Variants in C6orf89 observed in about 807,000 individuals in gnomAD.
C6orf89 encodes chromosome 6 open reading frame 89.
A neutral mutation model predicts 40.7 loss-of-function variants in C6orf89; 29 were observed. The observed-to-expected ratio is 0.71, with a 90% confidence interval of 0.53 to 0.97. The LOEUF (loss-of-function observed/expected upper bound fraction) is 0.97. Among genes scored for constraint, C6orf89 ranks in the 50% least tolerant of loss-of-function variants. The probability of loss-of-function intolerance (pLI) is 0.00; values close to 1 mark genes in which losing one functional copy is unlikely to be tolerated. For missense variants in C6orf89, 392 were observed against 429.1 expected, an observed-to-expected ratio of 0.91 and a Z score of 0.76; for synonymous variants, 165 against 152.2, an observed-to-expected ratio of 1.08 and a Z score of -0.62.
At chr6:36,916,330 T>C in intron 6 of C6orf89, 115 bp from the exon 7 acceptor site, 1 of 1,192,062 alleles carries the variant, frequency 8.4e-7, no homozygotes. Context: ...ACTGTACTCA[T>C]ATTTTTCCCT....
intron 2 of C6orf89, 150 bp downstream of exon 2, chr6:36,894,753 A>G (rs1234526610): frequency 6.0e-6 from 1 of 166,076 alleles, no homozygotes; most frequent in East Asian, 1.9e-4. Context: ...CACTGAGATA[A>G]TATTTCCAGA....
At chr6:36,909,185 T>TA (rs1390978066) in intron 4 of C6orf89, among the ~76,000 whole-genome samples, 2 of 151,510 alleles carry the variant, frequency 1.3e-5, no homozygotes, top group East Asian at 3.9e-4. Flanking sequence ...TTGTGGGTTT[T>TA]TTTTTTTTTT....
chr6:36,873,070 A>G (rs966491015), intron 1 of C6orf89, among the ~76,000 whole-genome samples: 2 of 152,222 alleles, frequency 1.3e-5, no homozygotes, highest in African/African-American at 4.8e-5. Context: ...TTCAACACAG[A>G]TTGACAGTTA....
intron 8 of C6orf89, among the ~76,000 whole-genome samples, chr6:36,921,181 T>C (rs910504854): frequency 6.9e-6 from 1 of 145,382 alleles, no homozygotes; most frequent in Admixed American, 7.0e-5. Context: ...GGATGGGGAC[T>C]GAAGAGAAGA....
chr6:36,898,977 A>G (rs1242026511), intron 2 of C6orf89, among the ~76,000 whole-genome samples: 1 of 152,190 alleles, frequency 6.6e-6, no homozygotes, highest in Non-Finnish European at 1.5e-5. Flanking sequence ...TTCAGTGATC[A>G]GTTCTTCCTC....
At chr6:36,883,741 A>G (rs1184726988), upstream of C6orf89, among the ~76,000 whole-genome samples, 2 of 152,202 alleles carry the variant, frequency 1.3e-5, no homozygotes, top group African/African-American at 4.8e-5. Flanking sequence ...AAAGACATCC[A>G]TTTGTTAGGT....
At chr6:36,890,090 C>A (rs1366361604) in intron 1 of C6orf89, among the ~76,000 whole-genome samples, 1 of 152,182 alleles carries the variant, frequency 6.6e-6, no homozygotes, top group Non-Finnish European at 1.5e-5. Context: ...ATGCCATCAA[C>A]CTATCCATCA....
At chr6:36,906,410 A>G (rs1232700233) in intron 4 of C6orf89, among the ~76,000 whole-genome samples, 2 of 152,246 alleles carry the variant, frequency 1.3e-5, no homozygotes, top group African/African-American at 4.8e-5. Flanking sequence ...TAAGGTAGAT[A>G]CTGTTTTTAT....
intron 3 of C6orf89, among the ~76,000 whole-genome samples, chr6:36,901,331 T>A (rs9470431): frequency 5.6e-4 from 27 of 48,484 alleles, no homozygotes; most frequent in African/African-American, 1.8e-3. Flanking sequence ...ATTTTTTTTT[T>A]TTTTTTTTTT....
chr6:36,915,305 A>C (rs909237859), intron 6 of C6orf89, among the ~76,000 whole-genome samples: 3 of 152,158 alleles, frequency 2.0e-5, no homozygotes, highest in Non-Finnish European at 4.4e-5. Context: ...AGAGAGTGCA[A>C]ATAATAGAAG....
chr6:36,894,209 G>A (rs1179392407), intron 1 of C6orf89, among the ~76,000 whole-genome samples: 2 of 152,066 alleles, frequency 1.3e-5, no homozygotes, highest in East Asian at 3.9e-4. Flanking sequence ...TTCTGCCTCA[G>A]GGATACTTGC....
chr6:36,924,896 C>A lies in C6orf89; in HGVS notation c.*1455C>A, dbSNP rs556843766. 1 of 152,308 alleles carries A rather than the reference C, an allele frequency of 6.6e-6. No individual in the cohort carries two copies. Among genetic ancestry groups the A allele is most frequent in the East Asian group, 1.9e-4 (1 of 5,184 alleles). 9.4% of individuals were successfully genotyped at this position (152,308 alleles called of 1,614,324 possible). ...GCCTGCATCTCATCTCTCAGGCCCTCTTTCTCTGTGGGTCTCATGAACAGC... is the reference window on the plus strand; with the variant it reads ...GCCTGCATCTCATCTCTCAGGCCCTATTTCTCTGTGGGTCTCATGAACAGC... On this transcript the variant is annotated 3_prime_UTR_variant, in exon 9 of 9. Coordinates refer to ENST00000480824, the MANE Select transcript of C6orf89 (RefSeq NM_001286635.2).
chr6:36,873,678 A>C (rs932739120), intron 1 of C6orf89, among the ~76,000 whole-genome samples: 2 of 152,186 alleles, frequency 1.3e-5, no homozygotes, highest in African/African-American at 4.8e-5. Flanking sequence ...ATTTTGCCAT[A>C]TAAGGTGGGG....
At chr6:36,917,184 C>T (rs1181586593) in intron 7 of C6orf89, among the ~76,000 whole-genome samples, 1 of 152,210 alleles carries the variant, frequency 6.6e-6, no homozygotes, top group Non-Finnish European at 1.5e-5. Context: ...TTTACCCTCT[C>T]ACCCCCAGGA....
chr6:36,886,085 C>CGCT (rs1561856501), intron 1 of C6orf89, 57 bp downstream of exon 1: 2 of 1,238,932 alleles, frequency 1.6e-6, no homozygotes, highest in Non-Finnish European at 1.0e-6. Flanking sequence ...ACAGCCTCGC[C>CGCT]GCGCCCGTCT....
chr6:36,874,750 G>C, intron 1 of C6orf89: 1 of 1,614,156 alleles, frequency 6.2e-7, no homozygotes, highest in Non-Finnish European at 8.5e-7. Context: ...TGGCTGCCAG[G>C]AATCTGGGGG....
In C6orf89 at chr6:36,922,110, G is replaced by A. The variant is rs147688626; in HGVS notation, c.950-1237G>A. Among the ~76,000 whole-genome samples, 402 of 152,242 alleles carry A rather than the reference G, an allele frequency of 2.6e-3. 4 individuals carry two copies. The highest frequency in any genetic ancestry group is 9.0e-3 in the African/African-American group (373 of 41,548). On this transcript the variant is annotated intron_variant, in intron 8 of 8. Transcript: ENST00000480824. ...CCAGCACTTGGGGAGGTCAAGGCGGGCAGATCACCTGAGGTCAGGAGTTCG... is the reference window on the plus strand; with the variant it reads ...CCAGCACTTGGGGAGGTCAAGGCGGACAGATCACCTGAGGTCAGGAGTTCG...
At chr6:36,914,045 C>T (rs1762223258) in intron 4 of C6orf89, among the ~76,000 whole-genome samples, 2 of 152,182 alleles carry the variant, frequency 1.3e-5, no homozygotes, top group Non-Finnish European at 2.9e-5. Context: ...CCTGTAGTTC[C>T]AGCTCCTCGG....
At chr6:36,899,071 T>C (rs1351154918) in intron 2 of C6orf89, among the ~76,000 whole-genome samples, 1 of 152,194 alleles carries the variant, frequency 6.6e-6, no homozygotes. Flanking sequence ...GAATCTCCAG[T>C]AGCAGATCTC....
Sources: gnomAD v4.1 joint callset for allele counts (sites outside exome capture counted in the v4.1 genomes callset) on GRCh38, gnomAD v4.1.1 for gene constraint, MANE v1.5 for transcripts, NCBI Gene and HGNC (gene_info 2026-07-23, HGNC 2026-07-21) for gene names.